Variants in KCTD1 observed in about 807,000 individuals in gnomAD.
KCTD1 encodes the protein potassium channel tetramerization domain containing 1, also known as BTB/POZ domain-containing protein KCTD1.
A neutral mutation model predicts 66.0 loss-of-function variants in KCTD1; 24 were observed. The ratio of observed to expected loss-of-function variants is 0.36; its 90% CI spans 0.26 to 0.51. The LOEUF (loss-of-function observed/expected upper bound fraction) is 0.51. KCTD1 is among the 20% of genes least tolerant of loss of function. KCTD1 has a pLI of 0.95. For synonymous variants in KCTD1, 511 were observed against 517.2 expected, an observed-to-expected ratio of 0.99 and a Z score of 0.16; for missense variants, 943 against 1,205.2, an observed-to-expected ratio of 0.78 and a Z score of 3.22.
intron 4 of KCTD1, chr18:26,456,237 C>T (rs893925386): frequency 4.9e-6 from 1 of 204,946 alleles, no homozygotes. Context: ...GGCCTCAAAT[C>T]TCCTGTTTTT....
chr18:26,601,326 T>TAAAA (rs61521451), intron 1 of KCTD1, among the ~76,000 whole-genome samples: 23,449 of 92,422 alleles, frequency 0.25, 3,212 homozygotes, highest in East Asian at 0.41. Context: ...TGTTCATTGG[T>TAAAA]AAAAAAAAAA....
rs1430925766 is a variant in KCTD1 at position 26,548,201 on chromosome 18, C to T, written c.336G>A (p.Gly112=). Residue 112 remains glycine (G), a synonymous_variant, in exon 1 of 5, where the codon GGG becomes GGA. Coordinates refer to ENST00000580059, the MANE Select transcript of KCTD1 (RefSeq NM_001142730.3). ...GGACCGGCTCGGGCTCCAGCTCCTC[C>T]CCGGCCGAGTCCTCGGGCTCCAGGG... The part of the protein sequence containing the change: ...DEPLEPEDSA[G]EELEPEPVHM... The T allele has an allele frequency of 2.7e-6, 4 of 1,506,864 alleles. No individual in the cohort carries two copies. The highest frequency in any genetic ancestry group is 2.0e-5 in the Admixed American group (1 of 48,942). 93.3% of individuals were successfully genotyped at this position (1,506,864 alleles called of 1,614,324 possible).
chr18:26,515,342 A>G (rs1254257363), intron 1 of KCTD1, among the ~76,000 whole-genome samples: 2 of 152,186 alleles, frequency 1.3e-5, no homozygotes, highest in Non-Finnish European at 2.9e-5. Context: ...ACACGGAGGC[A>G]GCAATATTTA....
At chr18:26,646,756 A>C (rs184864208) in intron 1 of KCTD1, among the ~76,000 whole-genome samples, 24 of 152,322 alleles carry the variant, frequency 1.6e-4, no homozygotes, top group African/African-American at 5.1e-4. Context: ...ATGCATAACT[A>C]AAATATTGAG....
chr18:26,561,140 A>G (rs926595496), intron 1 of KCTD1, among the ~76,000 whole-genome samples: 6 of 143,152 alleles, frequency 4.2e-5, no homozygotes, highest in African/African-American at 7.9e-5. Flanking sequence ...AAGTAAAAAA[A>G]TTAATGAAAA....
chr18:26,526,210 C>T (rs769297036), intron 1 of KCTD1, among the ~76,000 whole-genome samples: 3 of 152,086 alleles, frequency 2.0e-5, no homozygotes, highest in Non-Finnish European at 2.9e-5. Flanking sequence ...CAGCCCTCTC[C>T]GAGGAAAGCC....
chr18:26,520,667 G>A (rs555416694), intron 1 of KCTD1, among the ~76,000 whole-genome samples: 3 of 152,234 alleles, frequency 2.0e-5, no homozygotes, highest in African/African-American at 4.8e-5. Flanking sequence ...CTAAAAAGAC[G>A]GTGTCAGCTG....
chr18:26,501,678 C>T (rs1982770909), intron 1 of KCTD1, among the ~76,000 whole-genome samples: 1 of 152,160 alleles, frequency 6.6e-6, no homozygotes, highest in Admixed American at 6.5e-5. Context: ...CATTGCTATG[C>T]ACTTGGAATA....
At chr18:26,541,948 A>T (rs377614990) in intron 1 of KCTD1, among the ~76,000 whole-genome samples, 2 of 152,184 alleles carry the variant, frequency 1.3e-5, no homozygotes, top group African/African-American at 4.8e-5. Flanking sequence ...AAAGAACTTT[A>T]TAGGGCCCAA....
intron 2 of KCTD1, among the ~76,000 whole-genome samples, chr18:26,492,499 G>A (rs914401587): frequency 6.6e-6 from 1 of 152,024 alleles, no homozygotes; most frequent in Admixed American, 6.6e-5. Context: ...CGAATGTGGT[G>A]GTGTGTGCCT....
intron 1 of KCTD1, among the ~76,000 whole-genome samples, chr18:26,608,153 T>C (rs927372569): frequency 7.2e-5 from 11 of 152,258 alleles, no homozygotes; most frequent in Non-Finnish European, 1.3e-4. Flanking sequence ...TTTAAAAGTT[T>C]ACCTGTTAGC....
In KCTD1 at chr18:26,599,311, A is replaced by T. The variant is rs369465419; in HGVS notation, c.-16+29836T>A. ...TGTTTGGTGCTCTTTTAGAAATTCA[A>T]TTGACTGGGGGAGAAGCCGGGAGCG... On this transcript the variant is annotated intron_variant, in intron 1 of 4. Coordinates refer to the KCTD1 transcript ENST00000317932. 473 of 1,106,138 alleles carry T rather than the reference A, an allele frequency of 4.3e-4. 8 individuals carry two copies. In the East Asian group the frequency reaches 7.0e-3, roughly 16 times the overall value. 68.5% of individuals were successfully genotyped at this position (1,106,138 alleles called of 1,614,324 possible). A position where few individuals can be genotyped will look rare whatever the true frequency, so the allele number is the denominator to read the frequency against.
At chr18:26,488,361 G>A (rs183891479) in intron 2 of KCTD1, among the ~76,000 whole-genome samples, 1 of 152,188 alleles carries the variant, frequency 6.6e-6, no homozygotes, top group African/African-American at 2.4e-5. Flanking sequence ...TTACAGATCA[G>A]TGGGATATAC....
chr18:26,554,215 A>T (rs757066364), intron 1 of KCTD1, among the ~76,000 whole-genome samples: 12 of 150,332 alleles, frequency 8.0e-5, no homozygotes, highest in Non-Finnish European at 1.6e-4. Flanking sequence ...CTTCAAGGGA[A>T]CAATTCAGAA....
chr18:26,593,348 GGAGGAGGAGGAAGAGGAGGAGGAGGAA>G (rs1348629647), intron 1 of KCTD1, among the ~76,000 whole-genome samples: 1,194 of 46,166 alleles, frequency 0.026, 11 homozygotes, highest in Middle Eastern at 0.052. Context: ...AGGAGGAAGA[GGAGGAGGAGGAAGAGGAGGAGGAGGAA>G]GAGGAGGAGG....
At chr18:26,507,090 T>C (rs553414062) in intron 1 of KCTD1, among the ~76,000 whole-genome samples, 5 of 152,234 alleles carry the variant, frequency 3.3e-5, no homozygotes, top group African/African-American at 9.6e-5. Flanking sequence ...CGCTTGAACC[T>C]GGGAGGTGGC....
intron 1 of KCTD1, chr18:26,566,861 G>T (rs575847562): frequency 2.6e-5 from 4 of 151,670 alleles, no homozygotes; most frequent in Admixed American, 1.3e-4. Context: ...AGTTGGGGGT[G>T]GGGGCAAACA....
At chr18:26,560,901 C>A (rs763879896) in intron 1 of KCTD1, among the ~76,000 whole-genome samples, 2 of 152,160 alleles carry the variant, frequency 1.3e-5, no homozygotes, top group African/African-American at 2.4e-5. Context: ...TCCCTTTCAA[C>A]GCAGTAAATC....
rs145173875 is a variant in KCTD1 at position 26,514,653 on chromosome 18, T to C, written c.1810-13403A>G. Among the ~76,000 whole-genome samples, 1,259 of 152,180 alleles carry C rather than the reference T, an allele frequency of 8.3e-3. 11 individuals carry two copies. Among genetic ancestry groups the C allele is most frequent in the Non-Finnish European group, 0.014 (947 of 68,014 alleles). On this transcript the variant is annotated intron_variant, in intron 1 of 4. Coordinates refer to ENST00000580059, the MANE Select transcript of KCTD1 (RefSeq NM_001142730.3). ...GGGTCATGTGTCCTGTTGATAGGCA[T>C]GCTCCAGGCCTAGCAGTTTGCCAGA...
Sources: gnomAD v4.1 joint callset for allele counts (sites outside exome capture counted in the v4.1 genomes callset) on GRCh38, gnomAD v4.1.1 for gene constraint, MANE v1.5 for transcripts, NCBI Gene and HGNC (gene_info 2026-07-23, HGNC 2026-07-21) for gene names.